The following DMD variants were observed in gnomAD, a reference collection of about 807,000 sequenced individuals.
DMD encodes dystrophin, also known as mutant dystrophin.
In DMD, 63 loss-of-function variants were observed where a neutral mutation model predicts 330.1. The ratio of observed to expected loss-of-function variants is 0.19; its 90% CI spans 0.16 to 0.24. The LOEUF is 0.24. DMD is among the 10% of genes least tolerant of loss of function. DMD has a pLI of 1.00. For missense variants in DMD, 3,344 were observed against 2,684.1 expected (o/e 1.25, Z -5.43); for synonymous variants, 1,223 against 959.8 (o/e 1.27, Z -5.07).
intron 1 of DMD, among the ~76,000 whole-genome samples, chrX:33,053,531 G>A (rs941663589): frequency 9.2e-6 from 1 of 109,018 alleles, no homozygotes; most frequent in Non-Finnish European, 1.9e-5. Flanking sequence ...GGGAGGCGGA[G>A]GTTGCAGTGA....
intron 60 of DMD, among the ~76,000 whole-genome samples, chrX:31,433,460 C>CTT (rs758507823): frequency 1.4e-3 from 136 of 97,997 alleles, no homozygotes; most frequent in African/African-American, 5.0e-3. Context: ...TTCTTTCTTT[C>CTT]TTTTTTTTTT....
At chrX:31,279,760 C>T (rs1357222592) in intron 62 of DMD, among the ~76,000 whole-genome samples, 3 of 112,451 alleles carry the variant, frequency 2.7e-5, no homozygotes, top group Non-Finnish European at 5.6e-5. Flanking sequence ...ATGGCCCAAT[C>T]CACCCATCAA....
chrX:32,373,526 CACT>C (rs1402035393), intron 34 of DMD, among the ~76,000 whole-genome samples: 11 of 111,629 alleles, frequency 9.9e-5, no homozygotes, highest in Non-Finnish European at 2.1e-4. Context: ...TAAATTGATA[CACT>C]TCAATAGTCT....
intron 60 of DMD, among the ~76,000 whole-genome samples, chrX:31,352,877 T>C (rs943005027): frequency 2.7e-5 from 3 of 111,638 alleles, no homozygotes; most frequent in Non-Finnish European, 5.6e-5. Context: ...TGAGCAATTA[T>C]GCAAGGAAAT....
chrX:32,335,922 T>A (rs1204690980), intron 41 of DMD, among the ~76,000 whole-genome samples: 1 of 106,880 alleles, frequency 9.4e-6, no homozygotes, highest in African/African-American at 3.3e-5. Flanking sequence ...TATATATGTA[T>A]GTTATATATA....
chrX:33,270,305 G>C (rs2053131678), intron 1 of DMD, among the ~76,000 whole-genome samples: 1 of 108,574 alleles, frequency 9.2e-6, no homozygotes, highest in Admixed American at 1.0e-4. Context: ...AGTAAAGTAA[G>C]GCTGAGTTTA....
intron 41 of DMD, among the ~76,000 whole-genome samples, chrX:32,325,092 A>T (rs1014959963): frequency 2.4e-4 from 27 of 111,525 alleles, no homozygotes; most frequent in Admixed American, 1.3e-3. Flanking sequence ...AGTATTTTTT[A>T]AAAAAGTAAA....
chrX:31,640,142 AGTTCAGAGCCCAC>A (rs1206959063), intron 54 of DMD, among the ~76,000 whole-genome samples: 1 of 111,924 alleles, frequency 8.9e-6, no homozygotes, highest in African/African-American at 3.2e-5. Flanking sequence ...CCCTTGAGTC[AGTTCAGAGCCCAC>A]GTTCTTGATT....
At chrX:32,648,414 T>C (rs1185094069) in intron 9 of DMD, among the ~76,000 whole-genome samples, 2 of 112,027 alleles carry the variant, frequency 1.8e-5, no homozygotes, top group Non-Finnish European at 3.8e-5. Context: ...CCATTCATGG[T>C]TCATAAAATC....
chrX:31,314,500 G>A (rs1002682231), intron 62 of DMD, among the ~76,000 whole-genome samples: 4 of 111,528 alleles, frequency 3.6e-5, no homozygotes, highest in African/African-American at 9.8e-5. Context: ...TTCAGGAAGA[G>A]CAGCGAGGCT....
chrX:32,386,947 T>C (rs945142199), intron 32 of DMD, among the ~76,000 whole-genome samples: 51 of 110,628 alleles, frequency 4.6e-4, no homozygotes, highest in Middle Eastern at 4.7e-3. Context: ...CATTCACTAT[T>C]GTTCTCATGG....
intron 7 of DMD, among the ~76,000 whole-genome samples, chrX:32,799,490 CA>C (rs1255952112): frequency 1.8e-5 from 2 of 111,094 alleles, no homozygotes; most frequent in African/African-American, 3.3e-5. Flanking sequence ...AGAACAGGCG[CA>C]ATCTTTTATC....
intron 7 of DMD, among the ~76,000 whole-genome samples, chrX:32,728,824 C>T (rs1737845900): frequency 8.9e-6 from 1 of 111,903 alleles, no homozygotes; most frequent in Non-Finnish European, 1.9e-5. Context: ...TTTCTTCTTT[C>T]CACAGTTCTT....
chrX:32,409,766 A>G (rs1467701995), intron 30 of DMD, among the ~76,000 whole-genome samples: 1 of 111,642 alleles, frequency 9.0e-6, no homozygotes, highest in Non-Finnish European at 1.9e-5. Flanking sequence ...TTAATCAAAC[A>G]TTCCTTCAAA....
At chrX:32,028,531 T>C (rs1022821815) in intron 44 of DMD, among the ~76,000 whole-genome samples, 7 of 111,760 alleles carry the variant, frequency 6.3e-5, no homozygotes, top group South Asian at 3.7e-4. Flanking sequence ...CAGTACATGT[T>C]CATTCAACAA....
chrX:32,515,686 A>C (rs886683163), intron 18 of DMD, among the ~76,000 whole-genome samples: 1 of 111,965 alleles, frequency 8.9e-6, no homozygotes, highest in East Asian at 2.8e-4. Context: ...TGCTACGTAA[A>C]GCCCAAGATT....
rs1041882034 is a variant in DMD at position 32,790,001 on chromosome X, T to G, written c.649+19492A>C. ...AAATTGTAATAATATATAAAATTCC[T>G]AATAATTTAATAGTTGTAACAGTTT... On this transcript the variant is annotated intron_variant, in intron 7 of 78. Transcript: ENST00000357033. Among the ~76,000 whole-genome samples the G allele has an allele frequency of 3.6e-5, 4 of 111,859 alleles. No homozygotes were observed. In the East Asian group the frequency reaches 8.4e-4, roughly 24 times the overall value.
At chrX:32,777,932 T>C (rs1569518383) in intron 7 of DMD, among the ~76,000 whole-genome samples, 4 of 112,361 alleles carry the variant, frequency 3.6e-5, no homozygotes, top group Middle Eastern at 4.6e-3. Flanking sequence ...CACATAATTA[T>C]ATACCCATGC....
At chrX:32,851,609 C>T (rs1027784661) in intron 2 of DMD, among the ~76,000 whole-genome samples, 2 of 112,497 alleles carry the variant, frequency 1.8e-5, no homozygotes, top group African/African-American at 3.2e-5. Context: ...TGAGCAATCA[C>T]AGTACTTGAT....
Sources: gnomAD v4.1 joint callset for allele counts (sites outside exome capture counted in the v4.1 genomes callset) on GRCh38, gnomAD v4.1.1 for gene constraint, MANE v1.5 for transcripts, NCBI Gene and HGNC (gene_info 2026-07-23, HGNC 2026-07-21) for gene names.